The following CADM2 variants were observed in gnomAD, a reference collection of about 807,000 sequenced individuals.
CADM2 encodes immunoglobulin superfamily member 4D.
In CADM2, 12 loss-of-function variants were observed where a neutral mutation model predicts 49.8. That is an observed-to-expected ratio of 0.24 (90% CI 0.15 to 0.39). The LOEUF (loss-of-function observed/expected upper bound fraction) is 0.39. Among genes scored for constraint, CADM2 ranks in the 10% least tolerant of loss-of-function variants. The pLI is 1.00. For synonymous variants in CADM2, 214 were observed against 175.4 expected (o/e 1.22, Z -1.74); for missense variants, 378 against 492.3 (o/e 0.77, Z 2.20).
chr3:85,625,088 C>G (rs903715830), intron 1 of CADM2, among the ~76,000 whole-genome samples: 1 of 152,110 alleles, frequency 6.6e-6, no homozygotes, highest in African/African-American at 2.4e-5. Flanking sequence ...TGAGAAAACA[C>G]TGACCATGTA....
intron 1 of CADM2, among the ~76,000 whole-genome samples, chr3:85,141,765 T>A (rs140404589): frequency 6.6e-6 from 1 of 152,288 alleles, no homozygotes; most frequent in East Asian, 1.9e-4. Flanking sequence ...AGTCTCCTAT[T>A]TGGGGCAATT....
chr3:85,691,309 CTG>C (rs2066379645), intron 1 of CADM2, among the ~76,000 whole-genome samples: 1 of 152,176 alleles, frequency 6.6e-6, no homozygotes. Flanking sequence ...CTCTCACTCT[CTG>C]TGCAATATTT....
chr3:85,836,955 C>T (rs550631379), intron 3 of CADM2, among the ~76,000 whole-genome samples: 16 of 151,622 alleles, frequency 1.1e-4, no homozygotes, highest in African/African-American at 3.6e-4. Flanking sequence ...AGAATATGAA[C>T]TTGCCAATTA....
At chr3:85,058,905 A>G (rs2036194079) in intron 1 of CADM2, among the ~76,000 whole-genome samples, 1 of 151,764 alleles carries the variant, frequency 6.6e-6, no homozygotes, top group African/African-American at 2.4e-5. Flanking sequence ...AAAACAATAT[A>G]GAATTATATA....
At chr3:86,058,621 C>A (rs916238670) in intron 8 of CADM2, among the ~76,000 whole-genome samples, 1 of 151,912 alleles carries the variant, frequency 6.6e-6, no homozygotes, top group Admixed American at 6.6e-5. Context: ...ACTTTGAAAA[C>A]ATATTTATTT....
At chr3:85,479,793 T>G (rs1213918871) in intron 1 of CADM2, among the ~76,000 whole-genome samples, 2 of 151,956 alleles carry the variant, frequency 1.3e-5, no homozygotes, top group South Asian at 4.1e-4. Flanking sequence ...ATGGGAACCT[T>G]GACTCCTAAA....
At chr3:85,524,962 G>A (rs1033872917) in intron 1 of CADM2, among the ~76,000 whole-genome samples, 2 of 152,032 alleles carry the variant, frequency 1.3e-5, no homozygotes, top group Non-Finnish European at 2.9e-5. Context: ...GTTACTTCAT[G>A]TTTCTTTCCT....
At chr3:85,228,532 T>A (rs777097679) in intron 1 of CADM2, among the ~76,000 whole-genome samples, 1 of 151,974 alleles carries the variant, frequency 6.6e-6, no homozygotes, top group Non-Finnish European at 1.5e-5. Context: ...ATGTTGATGC[T>A]ATTCCTTTCT....
intron 2 of CADM2, among the ~76,000 whole-genome samples, chr3:85,790,236 A>G (rs1385375228): frequency 1.3e-5 from 2 of 152,224 alleles, no homozygotes; most frequent in East Asian, 3.8e-4. Flanking sequence ...TGTTTCACCT[A>G]CATTACAAAT....
intron 1 of CADM2, among the ~76,000 whole-genome samples, chr3:85,018,455 G>A (rs1178480668): frequency 3.3e-5 from 5 of 152,154 alleles, no homozygotes; most frequent in Admixed American, 6.5e-5. Flanking sequence ...TTGGCTCACC[G>A]CAACCTCTGT....
intron 3 of CADM2, among the ~76,000 whole-genome samples, chr3:85,817,719 T>C (rs1417566983): frequency 1.3e-5 from 2 of 152,138 alleles, no homozygotes; most frequent in Admixed American, 6.6e-5. Flanking sequence ...CCAATCTCAG[T>C]TCCAGCTTGT....
chr3:85,774,489 A>G (rs2070259409), intron 2 of CADM2, among the ~76,000 whole-genome samples: 1 of 151,780 alleles, frequency 6.6e-6, no homozygotes, highest in South Asian at 2.1e-4. Flanking sequence ...TTCATCTGTA[A>G]AAATTATGAT....
At chr3:85,307,293 CAT>C (rs1466799594) in intron 1 of CADM2, among the ~76,000 whole-genome samples, 1 of 151,384 alleles carries the variant, frequency 6.6e-6, no homozygotes, top group African/African-American at 2.4e-5. Context: ...AATTAGGAAA[CAT>C]AGAAATCCAG....
chr3:85,418,666 A>G (rs1299874791), intron 1 of CADM2, among the ~76,000 whole-genome samples: 1 of 152,158 alleles, frequency 6.6e-6, no homozygotes, highest in East Asian at 1.9e-4. Context: ...AAAATCTCCA[A>G]AAAGTTGAAT....
Position 85,585,565 on chromosome 3 carries a change from A to G in CADM2, c.62-140957A>G, listed in dbSNP as rs116829474. Among the ~76,000 whole-genome samples, 1,169 of 152,112 alleles carry G rather than the reference A, an allele frequency of 7.7e-3. 4 individuals are homozygous for G. The highest frequency in any genetic ancestry group is 0.027 in the South Asian group (129 of 4,820). ...ATGTTTGTATAAAAAAACATAGTATATATTGGATTGGGTACTATCTGCACT... is the reference window on the plus strand; with the variant it reads ...ATGTTTGTATAAAAAAACATAGTATGTATTGGATTGGGTACTATCTGCACT... On this transcript the variant is annotated intron_variant, in intron 1 of 9. Coordinates refer to ENST00000383699, the MANE Select transcript of CADM2 (RefSeq NM_001167675.2).
At chr3:85,391,474 C>A (rs1271267696) in intron 1 of CADM2, among the ~76,000 whole-genome samples, 1 of 151,876 alleles carries the variant, frequency 6.6e-6, no homozygotes, top group African/African-American at 2.4e-5. Flanking sequence ...AGTAAGACTG[C>A]TATAAAGGAT....
intron 1 of CADM2, among the ~76,000 whole-genome samples, chr3:85,005,757 G>T (rs985182073): frequency 6.6e-6 from 1 of 151,550 alleles, no homozygotes. Context: ...TTTGGATTAG[G>T]CCCCAGATGT....
At chr3:86,033,589 T>C (rs1015879818) in intron 8 of CADM2, among the ~76,000 whole-genome samples, 5 of 150,592 alleles carry the variant, frequency 3.3e-5, no homozygotes, top group African/African-American at 4.9e-5. Flanking sequence ...ACTGCTTTAG[T>C]TTTTTCCTTC....
intron 8 of CADM2, among the ~76,000 whole-genome samples, chr3:86,038,456 G>A (rs747786103): frequency 8.5e-5 from 13 of 152,128 alleles, no homozygotes; most frequent in African/African-American, 1.2e-4. Context: ...GGCTTTTTCA[G>A]ACCTTGCCCT....
Sources: gnomAD v4.1 joint callset for allele counts (sites outside exome capture counted in the v4.1 genomes callset) on GRCh38, gnomAD v4.1.1 for gene constraint, MANE v1.5 for transcripts, NCBI Gene and HGNC (gene_info 2026-07-23, HGNC 2026-07-21) for gene names.